TDRD9: variants seen among roughly 807,000 people sequenced by gnomAD.
The protein encoded by TDRD9 is tudor domain containing 9, also known as ATP-dependent RNA helicase TDRD9.
A neutral mutation model predicts 172.6 loss-of-function variants in TDRD9; 124 were observed. That is an observed-to-expected ratio of 0.72 (90% confidence interval 0.62 to 0.83). The LOEUF (loss-of-function observed/expected upper bound fraction) is 0.83, where lower values mean the gene tolerates loss of function less well. Ranked by LOEUF, TDRD9 falls within the 40% of genes least tolerant of loss-of-function variation. TDRD9 has a pLI of 0.00. For missense variants in TDRD9, 1,479 were observed against 1,714.1 expected, an observed-to-expected ratio of 0.86 and a Z score of 2.42; for synonymous variants, 619 against 617.1, an observed-to-expected ratio of 1.00 and a Z score of -0.05.
At chr14:104,049,164 A>ATGTT (rs1208188154) in intron 34 of TDRD9, among the ~76,000 whole-genome samples, 115 of 151,870 alleles carry the variant, frequency 7.6e-4, no homozygotes, top group Admixed American at 5.2e-3. Context: ...GTATGTATGT[A>ATGTT]TACAGTTTTG....
At chr14:103,974,814 A>T (rs1479026210) in intron 6 of TDRD9, among the ~76,000 whole-genome samples, 1 of 151,494 alleles carries the variant, frequency 6.6e-6, no homozygotes, top group Non-Finnish European at 1.5e-5. Flanking sequence ...CTATTTTTAA[A>T]TTTTTTGTAA....
intron 24 of TDRD9, 138 bp downstream of exon 24, chr14:104,022,468 C>A: frequency 1.1e-6 from 1 of 895,396 alleles, no homozygotes; most frequent in South Asian, 1.8e-5. Flanking sequence ...GGGCTCACGC[C>A]ACTCATCCAG....
In TDRD9 at chr14:103,979,603, C is replaced by T. The variant is rs148785516; in HGVS notation, c.1011+4050C>T. Reference sequence around the variant, plus strand: ...GGCATTAATCTATTCATGAGGCATCCGCCCCCATGTCCCACACACCTGCTA... The same window carrying T: ...GGCATTAATCTATTCATGAGGCATCTGCCCCCATGTCCCACACACCTGCTA... On this transcript the variant is annotated intron_variant, in intron 7 of 35. Transcript: ENST00000409874. 9.8e-5 allele frequency among the ~76,000 whole-genome samples: 15 copies of T among 152,300 alleles called. No individual in the cohort carries two copies. The South Asian group carries it at 1.7e-3, about 17-fold the overall frequency.
At chr14:104,049,783 G>A (rs1380608546) in intron 35 of TDRD9, 103 bp downstream of exon 35, 9 of 997,318 alleles carry the variant, frequency 9.0e-6, no homozygotes, top group Non-Finnish European at 1.3e-5. Flanking sequence ...GAGGGTCTGA[G>A]AGGCAGAGAC....
intron 1 of TDRD9, among the ~76,000 whole-genome samples, chr14:103,952,743 T>C (rs1014477041): frequency 3.0e-5 from 4 of 131,310 alleles, no homozygotes; most frequent in Non-Finnish European, 6.6e-5. Context: ...TTTTTTTTTT[T>C]TTTTTTTTTT....
At chr14:103,992,792 G>A (rs2033916331) in intron 9 of TDRD9, among the ~76,000 whole-genome samples, 1 of 151,868 alleles carries the variant, frequency 6.6e-6, no homozygotes, top group African/African-American at 2.4e-5. Context: ...GGGCATGGTG[G>A]CGGGCACCTG....
chr14:103,937,812 A>G (rs1271018789), intron 1 of TDRD9, among the ~76,000 whole-genome samples: 1 of 151,694 alleles, frequency 6.6e-6, no homozygotes, highest in East Asian at 1.9e-4. Flanking sequence ...TTCCTTTAGA[A>G]CACAAAAAAT....
chr14:104,050,287 C>T (rs577817090), intron 35 of TDRD9, among the ~76,000 whole-genome samples: 9 of 152,104 alleles, frequency 5.9e-5, no homozygotes, highest in African/African-American at 1.9e-4. Flanking sequence ...ACCCTTGTGA[C>T]CTCATCTAAC....
At position 104,046,759 on chromosome 14, in the gene TDRD9, C is replaced by T. The variant is rs572384426; in HGVS notation, c.3975-2849C>T. 2.2e-3 allele frequency among the ~76,000 whole-genome samples: 340 copies of T among 152,188 alleles called. 2 individuals carry two copies. The highest frequency in any genetic ancestry group is 7.9e-3 in the African/African-American group (328 of 41,514). ...CCCCCGGGTTCATGCCATTCTCCTG[C>T]CTCAGCCTCCTGAGTAGCTGGGACT... On this transcript the variant is annotated intron_variant, in intron 34 of 35. Coordinates refer to ENST00000409874, the MANE Select transcript of TDRD9 (RefSeq NM_153046.3).
intron 1 of TDRD9, among the ~76,000 whole-genome samples, chr14:103,947,865 C>A (rs980545756): frequency 6.6e-6 from 1 of 152,020 alleles, no homozygotes; most frequent in Non-Finnish European, 1.5e-5. Flanking sequence ...AGAAGAAAGA[C>A]AAATTGGACT....
intron 34 of TDRD9, among the ~76,000 whole-genome samples, chr14:104,046,188 G>A (rs1016647372): frequency 7.2e-5 from 11 of 152,108 alleles, no homozygotes; most frequent in Admixed American, 3.3e-4. Flanking sequence ...ATCTCTTGAC[G>A]TCGTGATCTG....
intron 1 of TDRD9, 46 bp downstream of exon 1, chr14:103,928,770 G>C: frequency 1.3e-6 from 1 of 764,538 alleles, no homozygotes; most frequent in Non-Finnish European, 1.7e-6. Flanking sequence ...GGCCGGGCGA[G>C]GCCTGGCGAC....
intron 8 of TDRD9, 101 bp from the exon 9 acceptor site, chr14:103,991,058 TA>T (rs761589143): frequency 1.0e-5 from 14 of 1,363,756 alleles, no homozygotes; most frequent in Non-Finnish European, 1.3e-5. Flanking sequence ...GGATGACCTG[TA>T]AGAGCCTTTC....
intron 34 of TDRD9, among the ~76,000 whole-genome samples, chr14:104,044,078 T>G (rs917385974): frequency 2.6e-5 from 4 of 152,182 alleles, no homozygotes; most frequent in African/African-American, 9.7e-5. Flanking sequence ...GCTCTCCTGC[T>G]GCCACATAAG....
chr14:104,033,990 C>T lies in TDRD9; in HGVS notation c.3540C>T (p.Asn1180=). The T allele has an allele frequency of 6.4e-7, 1 of 1,551,480 alleles. No homozygotes were observed. Among genetic ancestry groups the T allele is most frequent in the Non-Finnish European group, 8.7e-7 (1 of 1,146,526 alleles). Residue 1180 remains asparagine (N), a synonymous_variant, in exon 31 of 36, where the codon AAC becomes AAT. Transcript: ENST00000409874. ...TTTGGATTGAGAAGGAGAGCATCAACTCTGTCATTATCAGTGACGCCCCTG... is the reference window on the plus strand; with the variant it reads ...TTTGGATTGAGAAGGAGAGCATCAATTCTGTCATTATCAGTGACGCCCCTG... The part of the protein sequence containing the change: ...RCVWIEKESI[N]SVIISDAPED...
intron 34 of TDRD9, among the ~76,000 whole-genome samples, chr14:104,042,929 T>G (rs1406080623): frequency 3.3e-5 from 5 of 152,188 alleles, no homozygotes; most frequent in Non-Finnish European, 5.9e-5. Context: ...TAATAAGCAT[T>G]TTTTAAAAAG....
chr14:104,027,633 A>G (rs1251021582), intron 28 of TDRD9, among the ~76,000 whole-genome samples: 1 of 152,220 alleles, frequency 6.6e-6, no homozygotes, highest in South Asian at 2.1e-4. Flanking sequence ...ATATGTGTAT[A>G]TAATGTATAA....
intron 13 of TDRD9, 58 bp downstream of exon 13, chr14:103,998,786 A>T: frequency 2.3e-6 from 2 of 867,076 alleles, no homozygotes; most frequent in Non-Finnish European, 3.7e-6. Context: ...TGGCACATTC[A>T]GGTGCTTTTT....
Position 103,936,128 on chromosome 14 carries a change from A to G in TDRD9, c.215+7404A>G, listed in dbSNP as rs530009913. ...ATGGGGTCTCCCTCTGTTGCCCCAC[A>G]TGGAATGCAGTGGCACAATAACGTT... On this transcript the variant is annotated intron_variant, in intron 1 of 35. Transcript: ENST00000409874. 2.6e-5 allele frequency among the ~76,000 whole-genome samples: 4 copies of G among 152,268 alleles called. No individual in the cohort carries two copies. The South Asian group carries it at 8.3e-4, about 32-fold the overall frequency.
Sources: allele counts gnomAD v4.1 joint callset (sites outside exome capture counted in the v4.1 genomes callset), GRCh38; gene constraint gnomAD v4.1.1; transcripts MANE v1.5; gene names NCBI Gene and HGNC (gene_info 2026-07-23, HGNC 2026-07-21).